Variants in DLG2 observed in about 807,000 individuals in gnomAD.
DLG2 encodes the protein discs large MAGUK scaffold protein 2.
A neutral mutation model predicts 132.5 loss-of-function variants in DLG2; 45 were observed. The ratio of observed to expected loss-of-function variants is 0.34; its 90% CI spans 0.27 to 0.44. DLG2 has a LOEUF of 0.44. Ranked by LOEUF, DLG2 falls within the 20% of genes least tolerant of loss-of-function variation. The pLI is 1.00. For missense variants in DLG2, 1,045 were observed against 1,196.9 expected, an observed-to-expected ratio of 0.87 and a Z score of 1.87; for synonymous variants, 424 against 419.6, an observed-to-expected ratio of 1.01 and a Z score of -0.13.
chr11:84,093,219 C>A (rs1368999130), intron 10 of DLG2, among the ~76,000 whole-genome samples: 1 of 152,160 alleles, frequency 6.6e-6, no homozygotes, highest in Non-Finnish European at 1.5e-5. Flanking sequence ...GAGCTGCATT[C>A]TCATCTCAAG....
intron 7 of DLG2, among the ~76,000 whole-genome samples, chr11:84,465,944 G>A (rs1235505441): frequency 6.6e-6 from 1 of 151,046 alleles, no homozygotes; most frequent in Non-Finnish European, 1.5e-5. Flanking sequence ...TTTAAGGGGA[G>A]GCTATTATTA....
chr11:84,221,129 T>C (rs1002927199), intron 8 of DLG2, among the ~76,000 whole-genome samples: 2 of 151,876 alleles, frequency 1.3e-5, no homozygotes, highest in Non-Finnish European at 2.9e-5. Context: ...AGCATCCTGA[T>C]TGGGTGAAAC....
chr11:84,579,091 G>A (rs1309865681), intron 6 of DLG2, among the ~76,000 whole-genome samples: 1 of 152,014 alleles, frequency 6.6e-6, no homozygotes, highest in African/African-American at 2.4e-5. Context: ...TCAGCCATGT[G>A]GAACTATAAG....
intron 2 of DLG2, among the ~76,000 whole-genome samples, chr11:85,624,617 A>G (rs2081940240): frequency 6.6e-6 from 1 of 152,240 alleles, no homozygotes; most frequent in African/African-American, 2.4e-5. Flanking sequence ...AGCATAGCCA[A>G]TGAAAAATAC....
intron 3 of DLG2, among the ~76,000 whole-genome samples, chr11:85,337,158 G>A (rs919909333): frequency 3.9e-5 from 6 of 152,122 alleles, no homozygotes; most frequent in South Asian, 2.1e-4. Context: ...CTATTAATTC[G>A]CAGCATAAAT....
At chr11:85,619,489 T>A (rs1281380599) in intron 2 of DLG2, among the ~76,000 whole-genome samples, 2 of 152,272 alleles carry the variant, frequency 1.3e-5, no homozygotes, top group South Asian at 2.1e-4. Context: ...TCTTTTGAGT[T>A]TTATGGCTGT....
chr11:85,560,072 AAGAT>A (rs1486345256), intron 3 of DLG2, among the ~76,000 whole-genome samples: 8 of 151,938 alleles, frequency 5.3e-5, no homozygotes, highest in African/African-American at 1.9e-4. Context: ...TAGAATTAGA[AAGAT>A]AGACAATACC....
intron 6 of DLG2, among the ~76,000 whole-genome samples, chr11:84,543,121 A>G (rs985271964): frequency 7.2e-5 from 11 of 152,220 alleles, no homozygotes; most frequent in African/African-American, 2.7e-4. Flanking sequence ...TGCAATGATC[A>G]GATCAATATT....
At chr11:83,776,953 T>C (rs1261770646) in intron 18 of DLG2, among the ~76,000 whole-genome samples, 1 of 152,224 alleles carries the variant, frequency 6.6e-6, no homozygotes, top group Non-Finnish European at 1.5e-5. Context: ...ATCCAAGTTC[T>C]CTTCTTTTTC....
At chr11:84,517,202 G>A (rs908855332) in intron 7 of DLG2, among the ~76,000 whole-genome samples, 5 of 151,004 alleles carry the variant, frequency 3.3e-5, no homozygotes, top group African/African-American at 1.2e-4. Context: ...AAATAATCAA[G>A]GAAGAGGCAA....
intron 7 of DLG2, among the ~76,000 whole-genome samples, chr11:84,521,626 G>A (rs1355877587): frequency 3.3e-5 from 5 of 152,068 alleles, no homozygotes; most frequent in Non-Finnish European, 5.9e-5. Flanking sequence ...TCTGTGCAGC[G>A]CATTATCTAA....
At chr11:83,938,413 T>C (rs1442856904) in intron 14 of DLG2, among the ~76,000 whole-genome samples, 3 of 152,096 alleles carry the variant, frequency 2.0e-5, no homozygotes, top group African/African-American at 7.2e-5. Flanking sequence ...AAAGAGGGCT[T>C]TCTAGAAAGT....
At chr11:85,149,810 C>T (rs2077105799) in intron 5 of DLG2, among the ~76,000 whole-genome samples, 1 of 151,952 alleles carries the variant, frequency 6.6e-6, no homozygotes, top group Non-Finnish European at 1.5e-5. Context: ...GAATGAGCTA[C>T]GTTGGGAGGT....
intron 3 of DLG2, among the ~76,000 whole-genome samples, chr11:85,463,172 G>A (rs2092673128): frequency 6.6e-6 from 1 of 152,132 alleles, no homozygotes; most frequent in Non-Finnish European, 1.5e-5. Context: ...CCCTAAGATG[G>A]GGAATCATTT....
chr11:84,080,121 T>A (rs1441600538), intron 10 of DLG2, among the ~76,000 whole-genome samples: 2 of 151,482 alleles, frequency 1.3e-5, no homozygotes, highest in Non-Finnish European at 2.9e-5. Context: ...GATTTTCTTG[T>A]TCCCTTCTCT....
At chr11:83,986,771 A>G (rs561887403) in intron 11 of DLG2, among the ~76,000 whole-genome samples, 1 of 152,088 alleles carries the variant, frequency 6.6e-6, no homozygotes, top group African/African-American at 2.4e-5. Flanking sequence ...GTGAGATGGT[A>G]TCTCATTGTG....
At chr11:85,172,051 TTC>T (rs2078914569) in intron 4 of DLG2, among the ~76,000 whole-genome samples, 1 of 152,234 alleles carries the variant, frequency 6.6e-6, no homozygotes, top group Admixed American at 6.5e-5. Flanking sequence ...AGTCCGGGCA[TTC>T]TGGACGAGGG....
At chr11:83,666,545 C>G (rs2075611747) in intron 18 of DLG2, among the ~76,000 whole-genome samples, 1 of 152,138 alleles carries the variant, frequency 6.6e-6, no homozygotes, top group South Asian at 2.1e-4. Flanking sequence ...AAAACCATTC[C>G]CCTTACCCAC....
chr11:85,195,616 A>C (rs1046921555), intron 4 of DLG2, among the ~76,000 whole-genome samples: 3 of 142,884 alleles, frequency 2.1e-5, no homozygotes, highest in East Asian at 4.1e-4. Context: ...CTCCGCCTCC[A>C]GGGTTCACGT....
Sources: gnomAD v4.1 joint callset for allele counts (sites outside exome capture counted in the v4.1 genomes callset) on GRCh38, gnomAD v4.1.1 for gene constraint, MANE v1.5 for transcripts, NCBI Gene and HGNC (gene_info 2026-07-23, HGNC 2026-07-21) for gene names.